DGKI: variants seen among roughly 807,000 people sequenced by gnomAD.
DGKI encodes the protein DAG kinase iota.
A neutral mutation model predicts 147.5 loss-of-function variants in DGKI; 55 were observed. The observed-to-expected ratio is 0.37, with a 90% CI of 0.30 to 0.47. DGKI has a LOEUF of 0.47. Among genes scored for constraint, DGKI ranks in the 20% least tolerant of loss-of-function variants. The pLI is 1.00. For missense variants in DGKI, 1,007 were observed against 1,323.8 expected, an observed-to-expected ratio of 0.76 and a Z score of 3.71; for synonymous variants, 469 against 477.1, an observed-to-expected ratio of 0.98 and a Z score of 0.22.
chr7:137,625,385 A>G (rs1035514466), intron 6 of DGKI, among the ~76,000 whole-genome samples: 2 of 152,166 alleles, frequency 1.3e-5, no homozygotes, highest in Non-Finnish European at 2.9e-5. Flanking sequence ...TCTTGAATCC[A>G]AGAGTCGGAA....
At position 137,670,929 on chromosome 7, in the gene DGKI, C is replaced by A. The variant is rs10429242; in HGVS notation, c.606+7628G>T. Among the ~76,000 whole-genome samples the A allele has an allele frequency of 6.3e-3, 963 of 152,280 alleles. 8 individuals are homozygous for A. Among genetic ancestry groups the A allele is most frequent in the African/African-American group, 0.022 (917 of 41,542 alleles). Reference sequence around the variant, plus strand: ...CAATGCTGGTGCTCCATGTTACACACCAGCTAGACCTGAATACGCAGATGG... The same window carrying A: ...CAATGCTGGTGCTCCATGTTACACAACAGCTAGACCTGAATACGCAGATGG... On this transcript the variant is annotated intron_variant, in intron 3 of 32. Coordinates refer to ENST00000614521, the MANE Select transcript of DGKI (RefSeq NM_001321708.2).
chr7:137,647,169 A>G (rs1003622272), intron 5 of DGKI, among the ~76,000 whole-genome samples: 6 of 152,224 alleles, frequency 3.9e-5, no homozygotes, highest in Non-Finnish European at 5.9e-5. Flanking sequence ...AATATTTTAT[A>G]AGTAATAATT....
intron 28 of DGKI, among the ~76,000 whole-genome samples, chr7:137,443,027 G>T (rs954303384): frequency 6.6e-6 from 1 of 152,148 alleles, no homozygotes; most frequent in Non-Finnish European, 1.5e-5. Flanking sequence ...ATGGAGAAAA[G>T]CAGGGAGATG....
chr7:137,838,591 G>A (rs1407828407), intron 1 of DGKI, among the ~76,000 whole-genome samples: 1 of 151,800 alleles, frequency 6.6e-6, no homozygotes, highest in East Asian at 1.9e-4. Flanking sequence ...ATGTACTTTG[G>A]TCCTTTCAAG....
chr7:137,728,589 G>A (rs778524612), intron 1 of DGKI, among the ~76,000 whole-genome samples: 2 of 152,158 alleles, frequency 1.3e-5, no homozygotes, highest in Non-Finnish European at 2.9e-5. Context: ...ACATAGCCGG[G>A]CCTCTCCAAT....
At chr7:137,652,609 C>T (rs996084106) in intron 5 of DGKI, among the ~76,000 whole-genome samples, 1 of 152,158 alleles carries the variant, frequency 6.6e-6, no homozygotes, top group Non-Finnish European at 1.5e-5. Context: ...CTCCTGCTTT[C>T]CTCACCCTGC....
intron 1 of DGKI, among the ~76,000 whole-genome samples, chr7:137,704,861 G>A (rs1472877423): frequency 3.3e-5 from 5 of 152,126 alleles, no homozygotes; most frequent in African/African-American, 9.7e-5. Context: ...GCAGTGAGAC[G>A]ATATGTTATA....
At chr7:137,580,093 T>C (rs1390623402) in intron 15 of DGKI, among the ~76,000 whole-genome samples, 1 of 152,108 alleles carries the variant, frequency 6.6e-6, no homozygotes, top group African/African-American at 2.4e-5. Context: ...TCACTTGAGC[T>C]CATTGAGCTC....
intron 21 of DGKI, among the ~76,000 whole-genome samples, chr7:137,509,146 C>A (rs1026298442): frequency 5.3e-5 from 8 of 152,164 alleles, no homozygotes; most frequent in Admixed American, 2.0e-4. Flanking sequence ...TAATCAGATA[C>A]AATGGGTTGG....
At chr7:137,608,396 C>T (rs765532255) in intron 10 of DGKI, among the ~76,000 whole-genome samples, 19 of 152,242 alleles carry the variant, frequency 1.2e-4, no homozygotes, top group African/African-American at 3.6e-4. Context: ...TTAGACTTAA[C>T]TTTTCTAAGT....
intron 1 of DGKI, among the ~76,000 whole-genome samples, chr7:137,784,970 C>A (rs977906102): frequency 1.3e-5 from 2 of 151,770 alleles, no homozygotes; most frequent in East Asian, 3.9e-4. Flanking sequence ...ACAGCAAAAG[C>A]AGTGCTAAGA....
In DGKI at chr7:137,497,058, T is replaced by A. The variant is rs550599851; in HGVS notation, c.2249-9369A>T. 4.6e-5 allele frequency among the ~76,000 whole-genome samples: 7 copies of A among 151,232 alleles called. No individual in the cohort carries two copies. The South Asian group carries it at 1.5e-3, about 32-fold the overall frequency. Reference sequence around the variant, plus strand: ...GAAGAAAATATTTGCAAATAATGCATCTGACAAACGTGTAATATCCAGCAC... The same window carrying A: ...GAAGAAAATATTTGCAAATAATGCAACTGACAAACGTGTAATATCCAGCAC... On this transcript the variant is annotated intron_variant, in intron 21 of 32. Coordinates refer to ENST00000614521, the MANE Select transcript of DGKI (RefSeq NM_001321708.2).
chr7:137,403,252 T>A (rs961009280), intron 30 of DGKI, among the ~76,000 whole-genome samples: 2 of 152,030 alleles, frequency 1.3e-5, no homozygotes, highest in African/African-American at 4.8e-5. Context: ...CAAATTCCAG[T>A]TTTTCATAAA....
At position 137,654,925 on chromosome 7, in the gene DGKI, C is replaced by A. The variant is rs1822165346; in HGVS notation, c.682-137G>T. On this transcript the variant is annotated intron_variant, in intron 4 of 32. Transcript: ENST00000614521. Reference sequence around the variant, plus strand: ...CCAAAGAACAAGGAATAATACTCTTCTTAGTCTTTTGAAATCATCACATTA... The same window carrying A: ...CCAAAGAACAAGGAATAATACTCTTATTAGTCTTTTGAAATCATCACATTA... The A allele has an allele frequency of 1.9e-5, 11 of 587,590 alleles. No individual in the cohort carries two copies. The South Asian group carries it at 1.9e-4, about 10-fold the overall frequency. 36.4% of individuals were successfully genotyped at this position (587,590 alleles called of 1,614,324 possible). A position where few individuals can be genotyped will look rare whatever the true frequency, so the allele number is the denominator to read the frequency against.
At chr7:137,408,207 TG>T (rs1812032311) in intron 29 of DGKI, among the ~76,000 whole-genome samples, 1 of 152,198 alleles carries the variant, frequency 6.6e-6, no homozygotes, top group Non-Finnish European at 1.5e-5. Context: ...AGAGAGTCTG[TG>T]GGTATTGAAC....
chr7:137,476,372 T>C (rs1325038954), intron 23 of DGKI, among the ~76,000 whole-genome samples: 1 of 152,212 alleles, frequency 6.6e-6, no homozygotes, highest in African/African-American at 2.4e-5. Context: ...GAATTTCCCA[T>C]AAACATGGCT....
rs181851355 is a variant in DGKI at position 137,381,443 on chromosome 7, G to A, written c.*9777C>T. On this transcript the variant is annotated 3_prime_UTR_variant, in exon 33 of 33. Transcript: ENST00000614521. ...CTTTGCAAAAGCATGGCTCTGGGAT[G>A]TGATAGGGCAGAATCAGAAATCATG... 3 of 151,696 alleles carry A rather than the reference G, an allele frequency of 2.0e-5. No individual in the cohort carries two copies. Among genetic ancestry groups the A allele is most frequent in the Non-Finnish European group, 2.9e-5 (2 of 67,890 alleles). The allele number at this position is 151,696 out of a possible 1,614,324, so 9.4% of individuals were successfully genotyped here.
rs543216903 is a variant in DGKI, at chr7:137,636,617, T to C, written c.804+8855A>G. On this transcript the variant is annotated intron_variant, in intron 6 of 32. Transcript: ENST00000614521. Reference sequence around the variant, plus strand: ...TGAGTCACCCTCCCATCTTCAGGAATTGCCCTGAGCCTAAAAGAGTCACTT... The same window carrying C: ...TGAGTCACCCTCCCATCTTCAGGAACTGCCCTGAGCCTAAAAGAGTCACTT... Among the ~76,000 whole-genome samples the C allele has an allele frequency of 3.9e-5, 6 of 152,272 alleles. No homozygotes were observed. The East Asian group carries it at 1.2e-3, about 29-fold the overall frequency.
chr7:137,455,470 A>G (rs556279357), intron 27 of DGKI, among the ~76,000 whole-genome samples: 1 of 152,184 alleles, frequency 6.6e-6, no homozygotes, highest in East Asian at 1.9e-4. Flanking sequence ...CTATTCCAAG[A>G]GCTGTGGGAG....
Sources: allele counts gnomAD v4.1 joint callset (sites outside exome capture counted in the v4.1 genomes callset), GRCh38; gene constraint gnomAD v4.1.1; transcripts MANE v1.5; gene names NCBI Gene and HGNC (gene_info 2026-07-23, HGNC 2026-07-21).